Variants in DNAJA1 observed in about 807,000 individuals in gnomAD.
The protein encoded by DNAJA1 is DnaJ heat shock protein family (Hsp40) member A1.
DNAJA1 carries 26 observed loss-of-function variants against 47.6 expected under a neutral mutation model. The observed-to-expected ratio is 0.55, with a 90% CI of 0.40 to 0.76. The LOEUF (loss-of-function observed/expected upper bound fraction) is 0.76, where lower values mean the gene tolerates loss of function less well. Among genes scored for constraint, DNAJA1 ranks in the 30% least tolerant of loss-of-function variants. The probability of loss-of-function intolerance (pLI) is 0.00; values close to 1 mark genes in which losing one functional copy is unlikely to be tolerated. For missense variants in DNAJA1, 315 were observed against 485.0 expected, an observed-to-expected ratio of 0.65 and a Z score of 3.29; for synonymous variants, 165 against 158.4, an observed-to-expected ratio of 1.04 and a Z score of -0.31.
chr9:33,025,634 T>C (rs1838802800), intron 1 of DNAJA1, among the ~76,000 whole-genome samples: 1 of 151,678 alleles, frequency 6.6e-6, no homozygotes, highest in Admixed American at 6.5e-5. Context: ...AAGGAGCTAC[T>C]GTCTTCGGCT....
intron 6 of DNAJA1, 99 bp downstream of exon 6, chr9:33,034,429 C>G: frequency 1.2e-6 from 1 of 801,478 alleles, no homozygotes; most frequent in Non-Finnish European, 2.0e-6. Context: ...TTCCATTACT[C>G]TTAGAACCTA....
At chr9:33,033,940 T>C (rs1459869001) in intron 5 of DNAJA1, among the ~76,000 whole-genome samples, 2 of 152,040 alleles carry the variant, frequency 1.3e-5, no homozygotes, top group African/African-American at 4.8e-5. Flanking sequence ...TGTGGGAAAG[T>C]TGAAACTTGG....
At chr9:33,029,189 T>G (rs1838922046) in intron 3 of DNAJA1, among the ~76,000 whole-genome samples, 1 of 152,234 alleles carries the variant, frequency 6.6e-6, no homozygotes, top group African/African-American at 2.4e-5. Context: ...ATGGCCACAT[T>G]TACATGCTCA....
intron 5 of DNAJA1, 77 bp from the exon 6 acceptor site, chr9:33,034,139 C>T (rs1173121335): frequency 2.0e-6 from 2 of 989,644 alleles, no homozygotes; most frequent in Non-Finnish European, 2.9e-6. Flanking sequence ...CATAAACAAA[C>T]ATCTATGTAT....
At chr9:33,025,819 C>CT (rs909879657) in intron 1 of DNAJA1, among the ~76,000 whole-genome samples, 2 of 152,190 alleles carry the variant, frequency 1.3e-5, no homozygotes, top group Non-Finnish European at 2.9e-5. Flanking sequence ...TTTCCCCTCC[C>CT]TTTGTTTGTT....
intron 6 of DNAJA1, among the ~76,000 whole-genome samples, chr9:33,034,720 C>T (rs1011288095): frequency 1.3e-5 from 2 of 152,204 alleles, no homozygotes; most frequent in African/African-American, 4.8e-5. Flanking sequence ...AAAAGCATCT[C>T]TGTAGGAAAC....
intron 5 of DNAJA1, among the ~76,000 whole-genome samples, chr9:33,030,922 G>A (rs1212258416): frequency 6.6e-6 from 1 of 152,150 alleles, no homozygotes; most frequent in East Asian, 1.9e-4. Flanking sequence ...CTGTGGTCCT[G>A]TAAATGATTG....
At chr9:33,030,137 A>C in intron 4 of DNAJA1, 148 bp downstream of exon 4, 2 of 775,554 alleles carry the variant, frequency 2.6e-6, no homozygotes, top group East Asian at 5.5e-5. Context: ...AGATATGAAG[A>C]AAACCAACTG....
intron 3 of DNAJA1, among the ~76,000 whole-genome samples, chr9:33,027,226 G>T (rs543466304): frequency 2.0e-5 from 3 of 149,296 alleles, no homozygotes; most frequent in Admixed American, 6.7e-5. Context: ...CGTGGTCTCA[G>T]CTCACAGCAA....
rs564396675 is a variant in DNAJA1 at position 33,037,986 on chromosome 9, TATTA to T, written c.976-693_976-690del. Among the ~76,000 whole-genome samples, 318 of 149,856 alleles carry T rather than the reference TATTA, an allele frequency of 2.1e-3. 2 individuals are homozygous for T. The highest frequency in any genetic ancestry group is 7.5e-3 in the African/African-American group (302 of 40,480). On this transcript the variant is annotated intron_variant, in intron 8 of 8. Coordinates refer to ENST00000330899, the MANE Select transcript of DNAJA1 (RefSeq NM_001539.4). ...TTAAATTGGCCTGTCACCATAAAAATATTAATTAAAACTTTTTTTTTTTTTTTTC... is the reference window on the plus strand; with the variant it reads ...TTAAATTGGCCTGTCACCATAAAAATATTAAAACTTTTTTTTTTTTTTTTC...
intron 6 of DNAJA1, 136 bp from the exon 7 acceptor site, chr9:33,036,438 G>A: frequency 7.1e-6 from 4 of 566,840 alleles, no homozygotes; most frequent in Non-Finnish European, 1.2e-5. Flanking sequence ...TGCTCTGCTT[G>A]ATTTTTACAA....
chr9:33,038,954 G>C lies in DNAJA1; in HGVS notation c.*51G>C. 3 of 1,476,344 alleles carry C rather than the reference G, an allele frequency of 2.0e-6. No individual in the cohort carries two copies. Among genetic ancestry groups the C allele is most frequent in the Non-Finnish European group, 2.8e-6 (3 of 1,075,372 alleles). 91.5% of individuals were successfully genotyped at this position (1,476,344 alleles called of 1,614,324 possible). A position where few individuals can be genotyped will look rare whatever the true frequency, so the allele number is the denominator to read the frequency against. On this transcript the variant is annotated 3_prime_UTR_variant, in exon 9 of 9. Transcript: ENST00000330899. Reference sequence around the variant, plus strand: ...TGGCATTTAATGTGCAGTAGTGAATGAGTGAAGGACTGTAATCATAATATG... The same window carrying C: ...TGGCATTTAATGTGCAGTAGTGAATCAGTGAAGGACTGTAATCATAATATG...
In DNAJA1 at chr9:33,035,001, CA is replaced by C. The variant is rs1564014244; in HGVS notation, c.758+672del. On this transcript the variant is annotated intron_variant, in intron 6 of 8. Transcript: ENST00000330899. ...CAGGAGTTCAAGGTTATGATCATGCCACTGCATTCTAGCCTGGGTGACAGTA... is the reference window on the plus strand; with the variant it reads ...CAGGAGTTCAAGGTTATGATCATGCCCTGCATTCTAGCCTGGGTGACAGTA... Among the ~76,000 whole-genome samples the C allele has an allele frequency of 3.2e-3, 475 of 148,660 alleles. 1 individual carries two copies. Among genetic ancestry groups the C allele is most frequent in the African/African-American group, 0.011 (447 of 40,312 alleles).
At chr9:33,035,708 A>G (rs901217537) in intron 6 of DNAJA1, among the ~76,000 whole-genome samples, 3 of 152,024 alleles carry the variant, frequency 2.0e-5, no homozygotes, top group South Asian at 4.1e-4. Flanking sequence ...ACCTTAGGCA[A>G]TCCACCTGCC....
chr9:33,028,808 T>A (rs1169730121), intron 3 of DNAJA1, among the ~76,000 whole-genome samples: 1 of 152,236 alleles, frequency 6.6e-6, no homozygotes, highest in Non-Finnish European at 1.5e-5. Context: ...TAAGGGCAGC[T>A]AGATTTTAGC....
chr9:33,031,710 T>G (rs1838964017), intron 5 of DNAJA1, among the ~76,000 whole-genome samples: 1 of 152,164 alleles, frequency 6.6e-6, no homozygotes, highest in African/African-American at 2.4e-5. Context: ...GGATTACAGG[T>G]GTGTGCCACC....
At chr9:33,031,898 T>C (rs2119387065) in intron 5 of DNAJA1, among the ~76,000 whole-genome samples, 1 of 152,344 alleles carries the variant, frequency 6.6e-6, no homozygotes, top group East Asian at 1.9e-4. Flanking sequence ...ATAACCTTTT[T>C]TTTGTATTCT....
In DNAJA1 at chr9:33,034,227, G is replaced by T; in HGVS notation, c.655G>T (p.Gly219Cys). Residue 219 changes from glycine (G) to cysteine (C), a missense_variant, in exon 6 of 9, where the codon GGC (glycine) becomes TGC (cysteine). Gly to Cys is a radical substitution (Grantham distance 159). Around this residue, in one of 4 missense-constraint regions of DNAJA1, gnomAD observed 45 missense variants for 93.3 expected, o/e 0.48. Transcript: ENST00000330899. ...EVHIDKGMKDGQKITFHGEGD... is the reference protein window; with the variant it reads ...EVHIDKGMKDCQKITFHGEGD... ...TGTTTTGTTTTTAGGCATGAAAGAT[G>T]GCCAGAAGATAACATTCCATGGTGA... is the stretch of plus-strand genomic sequence containing the variant. The T allele has an allele frequency of 6.3e-7, 1 of 1,588,628 alleles. No homozygotes were observed. Among genetic ancestry groups the T allele is most frequent in the South Asian group, 1.2e-5 (1 of 85,660 alleles).
Position 33,036,622 on chromosome 9 carries a change from A to G in DNAJA1, c.807A>G (p.Ala269=). Reference sequence around the variant, plus strand: ...GTATGGACATACAGCTCGTTGAAGCACTGTGTGGCTTCCAGAAGCCAATAT... The same window carrying G: ...GTATGGACATACAGCTCGTTGAAGCGCTGTGTGGCTTCCAGAAGCCAATAT... ...FMCMDIQLVE[A]LCGFQKPIST... is the part of the protein sequence containing the mutation. The change falls in exon 7 of 9, where the codon GCA becomes GCG. Residue 269 remains alanine, a synonymous_variant. Coordinates refer to ENST00000330899, the MANE Select transcript of DNAJA1 (RefSeq NM_001539.4). 1 of 1,614,066 alleles carries G rather than the reference A, an allele frequency of 6.2e-7. No homozygotes were observed. The highest frequency in any genetic ancestry group is 1.1e-5 in the South Asian group (1 of 91,076).
Sources: gnomAD v4.1 joint callset for allele counts (sites outside exome capture counted in the v4.1 genomes callset) on GRCh38, gnomAD v4.1.1 for gene constraint, gnomAD v4.1.1 regional missense constraint, MANE v1.5 for transcripts, NCBI Gene and HGNC (gene_info 2026-07-23, HGNC 2026-07-21) for gene names.